Variants in SLC11A1 observed in about 807,000 individuals in gnomAD.
SLC11A1 encodes solute carrier family 11 member 1.
In SLC11A1, 59 loss-of-function variants were observed where a neutral mutation model predicts 63.2. The ratio of observed to expected loss-of-function variants is 0.93; its 90% CI spans 0.76 to 1.16. The LOEUF is 1.16. Among genes scored for constraint, SLC11A1 ranks in the 50% most tolerant of loss-of-function variants. The pLI is 0.00. For missense variants in SLC11A1, 688 were observed against 730.7 expected (o/e 0.94, Z 0.67); for synonymous variants, 305 against 307.8 (o/e 0.99, Z 0.09).
chr2:218,385,061 G>T, intron 3 of SLC11A1, 86 bp from the exon 4 acceptor site: 3 of 1,575,146 alleles, frequency 1.9e-6, no homozygotes, highest in Non-Finnish European at 1.7e-6. Flanking sequence ...TCCCCGAGGA[G>T]TATGCTTGGT....
At chr2:218,390,133 C>T (rs1449826643) in intron 9 of SLC11A1, 105 bp downstream of exon 9, 1 of 1,183,296 alleles carries the variant, frequency 8.5e-7, no homozygotes, top group African/African-American at 1.6e-5. Context: ...GAGTCTCTGC[C>T]CTGATGATCT....
At chr2:218,385,545 C>G (rs1696051937) in intron 4 of SLC11A1, 1 of 463,598 alleles carries the variant, frequency 2.2e-6, no homozygotes. Context: ...CGCCCACCAC[C>G]ATCATCGGCT....
intron 4 of SLC11A1, among the ~76,000 whole-genome samples, chr2:218,385,997 A>G (rs1696078472): frequency 6.6e-6 from 1 of 152,176 alleles, no homozygotes; most frequent in Admixed American, 6.5e-5. Context: ...GGGTGTTACA[A>G]AAAGATCAGA....
intron 12 of SLC11A1, among the ~76,000 whole-genome samples, chr2:218,393,656 T>G (rs530720256): frequency 2.5e-4 from 38 of 152,096 alleles, no homozygotes; most frequent in African/African-American, 8.0e-4. Flanking sequence ...TTTTGTATTT[T>G]TAGTAGAGAC....
rs1253560382 is a variant in SLC11A1, at chr2:218,393,062, G to T, written c.1246G>T (p.Ala416Ser). 1 of 1,598,654 alleles carries T rather than the reference G, an allele frequency of 6.3e-7. No individual in the cohort carries two copies. Among genetic ancestry groups the T allele is most frequent in the Non-Finnish European group, 8.5e-7 (1 of 1,176,514 alleles). Residue 416 changes from alanine to serine, a missense_variant, in exon 12 of 15, where the codon GCT becomes TCT. By Grantham distance (99) the Ala-to-Ser change is moderately conservative. Coordinates refer to ENST00000233202, the MANE Select transcript of SLC11A1 (RefSeq NM_000578.4). ...SCAILPTVLV[A>S]VFRDLRDLSG... ...CGCCATCCTGCCCACCGTGCTCGTG[G>T]CTGTCTTCCGGGACCTGAGGGACTT...
intron 4 of SLC11A1, among the ~76,000 whole-genome samples, chr2:218,386,347 G>A (rs900912179): frequency 7.9e-5 from 12 of 152,110 alleles, no homozygotes; most frequent in Non-Finnish European, 1.6e-4. Flanking sequence ...AGCTACTCGG[G>A]AGGCTGAGGC....
At chr2:218,388,219 C>G in intron 8 of SLC11A1, 1 of 422,096 alleles carries the variant, frequency 2.4e-6, no homozygotes. Flanking sequence ...AATACAAAAA[C>G]TAGCTGGGCG....
rs17229009 is a variant in SLC11A1, at chr2:218,395,295, A to AAAACAAAC, written c.*265_*272dup. On this transcript the variant is annotated 3_prime_UTR_variant, in exon 15 of 15. Coordinates refer to ENST00000233202, the MANE Select transcript of SLC11A1 (RefSeq NM_000578.4). ...AACACAGTGTCTGGCACTTGGGACAAAAACAAACAAACGAAAAACATTTCA... is the reference window on the plus strand; with the variant it reads ...AACACAGTGTCTGGCACTTGGGACAAAAACAAACAAACAAACAAACGAAAAACATTTCA... The AAAACAAAC allele has an allele frequency of 1.4e-5, 6 of 432,208 alleles. No individual in the cohort carries two copies. Among genetic ancestry groups the AAAACAAAC allele is most frequent in the African/African-American group, 6.0e-5 (3 of 50,188 alleles). 26.8% of individuals were successfully genotyped at this position (432,208 alleles called of 1,614,324 possible).
rs573211873 is a variant in SLC11A1 at position 218,382,976 on chromosome 2, A to G, written c.24A>G (p.Gln8=). Reference sequence around the variant, plus strand: ...CCCCCACAGGTGACAAGGGTCCCCAAAGGCTAAGCGGGTCCAGCTATGGTT... The same window carrying G: ...CCCCCACAGGTGACAAGGGTCCCCAGAGGCTAAGCGGGTCCAGCTATGGTT... MTGDKGP[Q]RLSGSSYGSI... The change falls in exon 2 of 15, where the codon CAA becomes CAG. Residue 8 remains glutamine, a synonymous_variant. Transcript: ENST00000233202. 1.1e-5 allele frequency: 17 copies of G among 1,614,082 alleles called. No individual in the cohort carries two copies. The African/African-American group carries it at 1.9e-4, about 18-fold the overall frequency.
intron 8 of SLC11A1, 90 bp downstream of exon 8, chr2:218,388,045 T>G: frequency 7.1e-7 from 1 of 1,400,956 alleles, no homozygotes; most frequent in Non-Finnish European, 9.5e-7. Context: ...CCCCTCTGGC[T>G]CCTTCCCTCA....
intron 11 of SLC11A1, chr2:218,392,618 G>T (rs932322399): frequency 2.7e-5 from 5 of 186,886 alleles, no homozygotes; most frequent in Non-Finnish European, 5.5e-5. Context: ...TTACAGACGT[G>T]AGCCACCCCA....
chr2:218,394,818 G>A, intron 14 of SLC11A1, 33 bp downstream of exon 14: 1 of 1,609,878 alleles, frequency 6.2e-7, no homozygotes, highest in Non-Finnish European at 8.5e-7. Context: ...CTTGGGAATG[G>A]ATGAGGGAAG....
At position 218,393,015 on chromosome 2, in the gene SLC11A1, G is replaced by A. The variant is rs566202998; in HGVS notation, c.1199G>A (p.Arg400His). 5.0e-5 allele frequency: 80 copies of A among 1,596,638 alleles called. No individual in the cohort carries two copies. Among genetic ancestry groups the A allele is most frequent in the Non-Finnish European group, 6.2e-5 (73 of 1,174,778 alleles). The change falls in exon 12 of 15, where the codon CGT becomes CAT. Residue 400 changes from arginine to histidine, a missense_variant. Arg to His is a conservative substitution (Grantham distance 29). Transcript: ENST00000233202. ...FLRLRWSRFA[R>H]VLLTRSCAIL... Reference sequence around the variant, plus strand: ...AGGCTGCGGTGGTCACGCTTCGCCCGTGTCCTCCTCACCCGCTCCTGCGCC... The same window carrying A: ...AGGCTGCGGTGGTCACGCTTCGCCCATGTCCTCCTCACCCGCTCCTGCGCC...
intron 9 of SLC11A1, among the ~76,000 whole-genome samples, 174 bp from the exon 10 acceptor site, chr2:218,391,024 C>T (rs1475950242): frequency 1.3e-5 from 2 of 152,240 alleles, no homozygotes; most frequent in East Asian, 1.9e-4. Context: ...CGCTACAAAA[C>T]GTAAAAGTAA....
chr2:218,387,754 T>C, intron 7 of SLC11A1, 46 bp from the exon 8 acceptor site: 11 of 1,611,634 alleles, frequency 6.8e-6, no homozygotes, highest in Non-Finnish European at 9.3e-6. Context: ...GACCGCGGCG[T>C]GGTTGCGAGG....
At chr2:218,383,329 C>A in intron 2 of SLC11A1, 1 of 542,486 alleles carries the variant, frequency 1.8e-6, no homozygotes, top group Non-Finnish European at 3.3e-6. Flanking sequence ...CTCAATGAAT[C>A]TCAGCTTTCC....
rs761795601 is a variant in SLC11A1 at position 218,384,278 on chromosome 2, G to C, written c.186G>C (p.Thr62=). The part of the protein sequence containing the change: ...TFSLRKLWAF[T]GPGFLMSIAF... ...GCCTGCGGAAGCTATGGGCCTTCACGGGGCCTGGCTTCCTCATGAGCATTG... is the reference window on the plus strand; with the variant it reads ...GCCTGCGGAAGCTATGGGCCTTCACCGGGCCTGGCTTCCTCATGAGCATTG... The change falls in exon 3 of 15, where the codon ACG becomes ACC. Residue 62 remains threonine (T), a synonymous_variant. Transcript: ENST00000233202. The surrounding 1 kb of genome is among the most constrained non-coding windows in gnomAD (Gnocchi z 4.0). 1.2e-6 allele frequency: 2 copies of C among 1,607,116 alleles called. No individual in the cohort carries two copies. Among genetic ancestry groups the C allele is most frequent in the Admixed American group, 3.3e-5 (2 of 59,720 alleles).
At chr2:218,394,522 C>A in intron 13 of SLC11A1, 110 bp from the exon 14 acceptor site, 1 of 1,218,398 alleles carries the variant, frequency 8.2e-7, no homozygotes, top group Non-Finnish European at 1.2e-6. Flanking sequence ...ACCAGAGAAG[C>A]GGCCTCAGTG....
At chr2:218,388,106 A>C (rs1054467319) in intron 8 of SLC11A1, 151 bp downstream of exon 8, 1 of 951,214 alleles carries the variant, frequency 1.1e-6, no homozygotes, top group Non-Finnish European at 1.5e-6. Context: ...GCCATGGCTC[A>C]CGCCTGTAAT....
Sources: allele counts gnomAD v4.1 joint callset (sites outside exome capture counted in the v4.1 genomes callset), GRCh38; gene constraint gnomAD v4.1.1; non-coding constraint Gnocchi (gnomAD v3.1); transcripts MANE v1.5; gene names NCBI Gene and HGNC (gene_info 2026-07-23, HGNC 2026-07-21).